The following ANKS1B variants were observed in gnomAD, a reference collection of about 807,000 sequenced individuals.
ANKS1B encodes ankyrin repeat and sterile alpha motif domain containing 1B, also known as ankyrin repeat and sterile alpha motif domain-containing protein 1B.
In ANKS1B, 36 loss-of-function variants were observed where a neutral mutation model predicts 148.3. The ratio of observed to expected loss-of-function variants is 0.24; its 90% CI spans 0.19 to 0.32. The LOEUF (loss-of-function observed/expected upper bound fraction) is 0.32, where lower values mean the gene tolerates loss of function less well. Ranked by LOEUF, ANKS1B falls within the 10% of genes least tolerant of loss-of-function variation. The pLI is 1.00. For synonymous variants in ANKS1B, 542 were observed against 560.8 expected (o/e 0.97, Z 0.47); for missense variants, 1,157 against 1,542.6 (o/e 0.75, Z 4.19).
At chr12:98,917,068 C>T (rs1003831470) in intron 17 of ANKS1B, among the ~76,000 whole-genome samples, 5 of 151,812 alleles carry the variant, frequency 3.3e-5, no homozygotes, top group African/African-American at 1.2e-4. Flanking sequence ...TCAAGTGGTC[C>T]TCCTGTCTCA....
intron 4 of ANKS1B, among the ~76,000 whole-genome samples, chr12:99,797,548 T>A (rs549630386): frequency 1.3e-5 from 2 of 150,842 alleles, no homozygotes; most frequent in South Asian, 4.2e-4. Context: ...ATTAATCATT[T>A]AAAAAAAACA....
intron 1 of ANKS1B, among the ~76,000 whole-genome samples, chr12:99,892,863 TA>T (rs1442627478): frequency 6.6e-6 from 1 of 152,172 alleles, no homozygotes; most frequent in Non-Finnish European, 1.5e-5. Flanking sequence ...AGATTGAATA[TA>T]GAGACTTCTT....
chr12:99,361,787 C>G (rs2092483519), intron 12 of ANKS1B, among the ~76,000 whole-genome samples: 1 of 151,980 alleles, frequency 6.6e-6, no homozygotes, highest in Admixed American at 6.6e-5. Context: ...TTTGTTTACA[C>G]TTTGTAATAG....
intron 1 of ANKS1B, among the ~76,000 whole-genome samples, chr12:99,903,396 G>A (rs1565964340): frequency 6.6e-6 from 1 of 152,140 alleles, no homozygotes; most frequent in Non-Finnish European, 1.5e-5. Context: ...TCTTCAGTAG[G>A]GACCCTGTAA....
intron 12 of ANKS1B, among the ~76,000 whole-genome samples, chr12:99,291,986 C>T (rs1337660276): frequency 1.3e-5 from 2 of 152,152 alleles, no homozygotes; most frequent in Non-Finnish European, 2.9e-5. Flanking sequence ...CCCTTCTTTA[C>T]ACCTTATACA....
intron 11 of ANKS1B, among the ~76,000 whole-genome samples, chr12:99,437,423 T>G (rs2095479272): frequency 6.6e-6 from 1 of 152,004 alleles, no homozygotes; most frequent in African/African-American, 2.4e-5. Context: ...CTTAGGATAT[T>G]CTTATGCTCA....
In ANKS1B at chr12:99,590,631, C is replaced by T. The variant is rs993049935; in HGVS notation, c.1272+64436G>A. ...TTGAAAACTTTTTTGAGGGCAAGTGCCATTTAAAATAAACTCTAAAGAAAG... is the reference window on the plus strand; with the variant it reads ...TTGAAAACTTTTTTGAGGGCAAGTGTCATTTAAAATAAACTCTAAAGAAAG... On this transcript the variant is annotated intron_variant, in intron 9 of 26. Coordinates refer to ENST00000683438, the MANE Select transcript of ANKS1B (RefSeq NM_001352186.2). Among the ~76,000 whole-genome samples the T allele has an allele frequency of 4.6e-5, 7 of 152,132 alleles. No individual in the cohort carries two copies. In the East Asian group the frequency reaches 5.8e-4, roughly 13 times the overall value.
intron 9 of ANKS1B, chr12:99,649,351 G>A (rs1415258635): frequency 1.2e-6 from 2 of 1,614,026 alleles, no homozygotes; most frequent in Non-Finnish European, 1.7e-6. Context: ...TCACATGAAT[G>A]CTGAAATGTT....
intron 1 of ANKS1B, among the ~76,000 whole-genome samples, chr12:99,906,194 C>T (rs573797345): frequency 6.6e-6 from 1 of 152,136 alleles, no homozygotes; most frequent in South Asian, 2.1e-4. Flanking sequence ...TGGTATTGAC[C>T]CTAAAAGACA....
chr12:99,797,202 A>G (rs187825370), intron 4 of ANKS1B, among the ~76,000 whole-genome samples: 1 of 152,026 alleles, frequency 6.6e-6, no homozygotes, highest in Admixed American at 6.6e-5. Flanking sequence ...AGAAAAATTT[A>G]AGAATATTTT....
At chr12:99,500,565 T>C (rs561110203) in intron 10 of ANKS1B, among the ~76,000 whole-genome samples, 5 of 152,296 alleles carry the variant, frequency 3.3e-5, no homozygotes, top group Admixed American at 3.3e-4. Context: ...GTGAGCAAAA[T>C]AAATGACTGA....
intron 14 of ANKS1B, among the ~76,000 whole-genome samples, chr12:99,206,068 T>C (rs1043801484): frequency 1.3e-5 from 2 of 152,146 alleles, no homozygotes; most frequent in East Asian, 3.9e-4. Flanking sequence ...AAGACTACCA[T>C]GAAAGGATAA....
At chr12:99,350,580 C>G (rs2091296200) in intron 12 of ANKS1B, among the ~76,000 whole-genome samples, 1 of 151,884 alleles carries the variant, frequency 6.6e-6, no homozygotes, top group African/African-American at 2.4e-5. Context: ...AAAACAAAAG[C>G]TAAAAAGTGG....
intron 12 of ANKS1B, among the ~76,000 whole-genome samples, chr12:99,311,790 G>A (rs1051333328): frequency 6.6e-6 from 1 of 152,092 alleles, no homozygotes; most frequent in African/African-American, 2.4e-5. Context: ...AGAGCTCAGT[G>A]AGAAGGAAAG....
At position 99,958,616 on chromosome 12, in the gene ANKS1B, C is replaced by T. The variant is rs148983106; in HGVS notation, c.134+25488G>A. 1.6e-3 allele frequency among the ~76,000 whole-genome samples: 245 copies of T among 152,304 alleles called. 9 individuals are homozygous for T. The East Asian group carries it at 0.039, about 25-fold the overall frequency. On this transcript the variant is annotated intron_variant, in intron 1 of 26. Coordinates refer to ENST00000683438, the MANE Select transcript of ANKS1B (RefSeq NM_001352186.2). The stretch of plus-strand genomic sequence containing the variant: ...GCCAGGCTGGTCTCTAACTCCTGAG[C>T]TCAAACAATCCACCCACCTCAGCCT...
intron 8 of ANKS1B, among the ~76,000 whole-genome samples, chr12:99,772,384 G>A (rs146694613): frequency 3.9e-4 from 59 of 152,146 alleles, no homozygotes; most frequent in Admixed American, 3.3e-4. Flanking sequence ...TCATAAAGGC[G>A]TTGTCACAGG....
chr12:99,011,232 G>C (rs2099939213), intron 17 of ANKS1B, among the ~76,000 whole-genome samples: 1 of 152,144 alleles, frequency 6.6e-6, no homozygotes, highest in African/African-American at 2.4e-5. Flanking sequence ...TATGTTGTTT[G>C]AAGCTGCTAA....
At chr12:99,770,591 C>T (rs929188228) in intron 8 of ANKS1B, among the ~76,000 whole-genome samples, 2 of 152,084 alleles carry the variant, frequency 1.3e-5, no homozygotes, top group Non-Finnish European at 2.9e-5. Flanking sequence ...CATTCGCTAA[C>T]AGGTTTCTAT....
chr12:99,903,161 G>A (rs1371662977), intron 1 of ANKS1B, among the ~76,000 whole-genome samples: 1 of 152,174 alleles, frequency 6.6e-6, no homozygotes, highest in East Asian at 1.9e-4. Context: ...TTGAGAAAAA[G>A]AGGAAAGTTC....
Sources: gnomAD v4.1 joint callset for allele counts (sites outside exome capture counted in the v4.1 genomes callset) on GRCh38, gnomAD v4.1.1 for gene constraint, MANE v1.5 for transcripts, NCBI Gene and HGNC (gene_info 2026-07-23, HGNC 2026-07-21) for gene names.